SMYD3: variants seen among roughly 807,000 people sequenced by gnomAD.
The protein encoded by SMYD3 is SET and MYND domain containing 3, also known as histone-lysine N-methyltransferase SMYD3.
SMYD3 carries 36 observed loss-of-function variants against 57.7 expected under a neutral mutation model. The ratio of observed to expected loss-of-function variants is 0.62; its 90% CI spans 0.48 to 0.82. The LOEUF is 0.82. Among genes scored for constraint, SMYD3 ranks in the 40% least tolerant of loss-of-function variants. SMYD3 has a pLI of 0.00. For missense variants in SMYD3, 515 were observed against 538.8 expected (o/e 0.96, Z 0.44); for synonymous variants, 211 against 195.0 (o/e 1.08, Z -0.68).
intron 10 of SMYD3, among the ~76,000 whole-genome samples, chr1:245,802,042 T>C (rs1046359332): frequency 1.3e-5 from 2 of 152,222 alleles, no homozygotes; most frequent in Non-Finnish European, 2.9e-5. Context: ...GAAGGTTGCA[T>C]GTTTTACAAC....
intron 3 of SMYD3, among the ~76,000 whole-genome samples, chr1:246,330,945 G>A (rs2065449645): frequency 6.6e-6 from 1 of 152,116 alleles, no homozygotes; most frequent in South Asian, 2.1e-4. Flanking sequence ...GGCCAGCCTG[G>A]GCAACATGGC....
chr1:246,165,444 G>A (rs917826235), intron 5 of SMYD3, among the ~76,000 whole-genome samples: 1 of 152,152 alleles, frequency 6.6e-6, no homozygotes, highest in Admixed American at 6.5e-5. Flanking sequence ...CTAGTAGAGT[G>A]AGGTCCATCA....
intron 10 of SMYD3, among the ~76,000 whole-genome samples, chr1:245,766,737 A>C (rs1460134323): frequency 6.6e-6 from 1 of 152,072 alleles, no homozygotes; most frequent in Admixed American, 6.6e-5. Flanking sequence ...ACTAATCATC[A>C]CTCCACTAAG....
rs1558414707 is a variant in SMYD3 at position 246,346,344 on chromosome 1, A to G, written c.228+8687T>C. Among the ~76,000 whole-genome samples the G allele has an allele frequency of 5.3e-5, 8 of 152,268 alleles. 1 individual carries two copies. In the South Asian group the frequency reaches 1.7e-3, roughly 32 times the overall value. Reference sequence around the variant, plus strand: ...AGTTCCTCTCCTCTTACATCTTGCCATCACACTACTAAAGGCCTATTTACA... The same window carrying G: ...AGTTCCTCTCCTCTTACATCTTGCCGTCACACTACTAAAGGCCTATTTACA... On this transcript the variant is annotated intron_variant, in intron 2 of 11. Coordinates refer to ENST00000490107, the MANE Select transcript of SMYD3 (RefSeq NM_001167740.2).
chr1:246,029,865 A>G lies in SMYD3; in HGVS notation c.532-99928T>C, dbSNP rs528629115. Among the ~76,000 whole-genome samples, 3 of 152,124 alleles carry G rather than the reference A, an allele frequency of 2.0e-5. No individual in the cohort carries two copies. The South Asian group carries it at 6.2e-4, about 32-fold the overall frequency. On this transcript the variant is annotated intron_variant, in intron 5 of 11. Transcript: ENST00000490107. ...ATAACATGCTGGTGAAAATGCAGAG[A>G]AAAGGGAACTCACACACTGTTGGTG...
chr1:245,776,556 T>C (rs2046606727), intron 10 of SMYD3, among the ~76,000 whole-genome samples: 1 of 152,250 alleles, frequency 6.6e-6, no homozygotes, highest in Non-Finnish European at 1.5e-5. Context: ...TGTGATGTTG[T>C]TGACATAGAT....
chr1:245,763,329 G>C (rs1390264652), intron 11 of SMYD3, among the ~76,000 whole-genome samples: 1 of 152,166 alleles, frequency 6.6e-6, no homozygotes, highest in Non-Finnish European at 1.5e-5. Context: ...GGGTAAGGGT[G>C]GTCATCGGGT....
chr1:245,842,241 C>G (rs1255047572), intron 10 of SMYD3, among the ~76,000 whole-genome samples: 1 of 152,174 alleles, frequency 6.6e-6, no homozygotes, highest in Non-Finnish European at 1.5e-5. Flanking sequence ...GTCAGCAAAA[C>G]AGGATCAAAC....
At chr1:246,176,571 A>C (rs1434359283) in intron 5 of SMYD3, among the ~76,000 whole-genome samples, 1 of 152,152 alleles carries the variant, frequency 6.6e-6, no homozygotes, top group African/African-American at 2.4e-5. Context: ...CCCAGACTGG[A>C]ATGCAGTGGC....
intron 1 of SMYD3, among the ~76,000 whole-genome samples, chr1:246,438,898 C>T (rs2067422099): frequency 6.6e-6 from 1 of 151,712 alleles, no homozygotes; most frequent in East Asian, 1.9e-4. Flanking sequence ...TCTAATGCCG[C>T]TGCTGATCTG....
intron 10 of SMYD3, among the ~76,000 whole-genome samples, chr1:245,849,162 G>A (rs1190291990): frequency 6.6e-6 from 1 of 152,222 alleles, no homozygotes; most frequent in East Asian, 1.9e-4. Flanking sequence ...GTACAAAGTA[G>A]ATTCTAGTGG....
Position 246,010,920 on chromosome 1 carries a change from A to T in SMYD3, c.532-80983T>A, listed in dbSNP as rs185268059. On this transcript the variant is annotated intron_variant, in intron 5 of 11. Coordinates refer to ENST00000490107, the MANE Select transcript of SMYD3 (RefSeq NM_001167740.2). The stretch of plus-strand genomic sequence containing the variant: ...TCCTAGTTTGACAGTCTCCTAGGAA[A>T]ACTTGGATACTTTCTTACATAGGAA... 1.2e-3 allele frequency among the ~76,000 whole-genome samples: 177 copies of T among 152,322 alleles called. 1 individual carries two copies. In the Middle Eastern group the frequency reaches 0.014, roughly 12 times the overall value.
At chr1:246,370,551 TACTC>T (rs1401545845) in intron 1 of SMYD3, among the ~76,000 whole-genome samples, 23 of 152,272 alleles carry the variant, frequency 1.5e-4, no homozygotes, top group Non-Finnish European at 2.9e-4. Flanking sequence ...ATAAGTGACT[TACTC>T]ACGGGACTGC....
chr1:246,390,244 C>CAAAAAAAAAAAAAAAAAAAAAA (rs2066537961), intron 1 of SMYD3, among the ~76,000 whole-genome samples: 2 of 69,842 alleles, frequency 2.9e-5, no homozygotes, highest in African/African-American at 4.6e-5. Flanking sequence ...AAAAAAAAAG[C>CAAAAAAAAAAAAAAAAAAAAAA]AAACTCCATA....
At chr1:246,426,515 C>A (rs951334076) in intron 1 of SMYD3, among the ~76,000 whole-genome samples, 2 of 152,190 alleles carry the variant, frequency 1.3e-5, no homozygotes, top group African/African-American at 2.4e-5. Flanking sequence ...ATATGACATG[C>A]GGTCTTTTAT....
intron 10 of SMYD3, among the ~76,000 whole-genome samples, chr1:245,852,533 C>T (rs2051030780): frequency 6.6e-6 from 1 of 152,320 alleles, no homozygotes; most frequent in East Asian, 1.9e-4. Context: ...TCCATTACCT[C>T]CTACCTAAAC....
intron 5 of SMYD3, among the ~76,000 whole-genome samples, chr1:246,182,704 A>G (rs888577810): frequency 5.3e-5 from 8 of 152,216 alleles, no homozygotes; most frequent in Non-Finnish European, 7.3e-5. Context: ...TGATGACAGC[A>G]ATCAGATTAG....
In SMYD3 at chr1:246,233,763, C is replaced by T. The variant is rs1462993115; in HGVS notation, c.531+93438G>A. ...TTCACACTGTGATGAACATATACCA[C>T]GCAGAGGAGAAACGCTCCTTCAATT... On this transcript the variant is annotated intron_variant, in intron 5 of 11. Coordinates refer to ENST00000490107, the MANE Select transcript of SMYD3 (RefSeq NM_001167740.2). Among the ~76,000 whole-genome samples the T allele has an allele frequency of 5.2e-5, 6 of 115,480 alleles. 1 individual carries two copies. Among genetic ancestry groups the T allele is most frequent in the Non-Finnish European group, 5.1e-5 (3 of 58,648 alleles). The allele number at this position is 115,480 out of a possible 152,430, so 75.8% of individuals were successfully genotyped here.
intron 10 of SMYD3, among the ~76,000 whole-genome samples, chr1:245,801,378 T>C (rs2047853362): frequency 6.6e-6 from 1 of 152,196 alleles, no homozygotes; most frequent in Admixed American, 6.5e-5. Flanking sequence ...CTGGAGGGCA[T>C]GGAATCAGGC....
Sources: allele counts gnomAD v4.1 joint callset (sites outside exome capture counted in the v4.1 genomes callset), GRCh38; gene constraint gnomAD v4.1.1; transcripts MANE v1.5; gene names NCBI Gene and HGNC (gene_info 2026-07-23, HGNC 2026-07-21).